MTNR1A: variants seen among roughly 807,000 people sequenced by gnomAD.
MTNR1A encodes the protein melatonin receptor type 1A.
Under a neutral mutation model 5.5 loss-of-function variants are expected in MTNR1A, and 7 were observed. That is an observed-to-expected ratio of 1.28 (90% confidence interval 0.73 to 2.40). MTNR1A has a LOEUF of 2.40. Among genes scored for constraint, MTNR1A ranks in the 30% most tolerant of loss-of-function variants. The probability of loss-of-function intolerance (pLI) is 0.00; values close to 1 mark genes in which losing one functional copy is unlikely to be tolerated. For missense variants in MTNR1A, 441 were observed against 464.4 expected, an observed-to-expected ratio of 0.95 and a Z score of 0.46; for synonymous variants, 196 against 202.7, an observed-to-expected ratio of 0.97 and a Z score of 0.28.
chr4:186,538,357 C>G lies in MTNR1A; in HGVS notation c.185-3800G>C, dbSNP rs192941586. On this transcript the variant is annotated intron_variant, in intron 1 of 1. Transcript: ENST00000307161. ...TAGTGTTCCCCACAAGAGGCAATTG[C>G]GTGAGATTTTGAAGGCGGAAGTGCA... Among the ~76,000 whole-genome samples, 12 of 152,344 alleles carry G rather than the reference C, an allele frequency of 7.9e-5. No homozygotes were observed. The East Asian group carries it at 1.2e-3, about 15-fold the overall frequency.
rs1047346076 is a variant in MTNR1A at position 186,555,377 on chromosome 4, G to A, written c.-12C>T. On this transcript the variant is annotated 5_prime_UTR_variant, in exon 1 of 2. Transcript: ENST00000307161. The surrounding 1 kb of genome is among the most constrained non-coding windows in gnomAD (Gnocchi z 4.1). ...CCGTTGCCCTGCATGGTCCCTGTGC[G>A]CGTCCCGGCCGCGGGGCCATCGCCC... 1.4e-6 allele frequency: 2 copies of A among 1,423,994 alleles called. No homozygotes were observed. Among genetic ancestry groups the A allele is most frequent in the African/African-American group, 1.5e-5 (1 of 66,768 alleles). 88.2% of individuals were successfully genotyped at this position (1,423,994 alleles called of 1,614,324 possible). A position where few individuals can be genotyped will look rare whatever the true frequency, so the allele number is the denominator to read the frequency against.
intron 1 of MTNR1A, among the ~76,000 whole-genome samples, chr4:186,536,442 C>G (rs1476765787): frequency 6.6e-6 from 1 of 152,100 alleles, no homozygotes; most frequent in African/African-American, 2.4e-5. Context: ...GAAAGGGGTG[C>G]GCTGGACAGG....
In MTNR1A at chr4:186,555,405, C is replaced by T; in HGVS notation, c.-40G>A. ...TCCCGGCCGCGGGGCCATCGCCCGC[C>T]TCGTCCGCCCGCCCGACCACTTGTT... On this transcript the variant is annotated 5_prime_UTR_variant, in exon 1 of 2. Transcript: ENST00000307161. The surrounding 1 kb of genome is among the most constrained non-coding windows in gnomAD (Gnocchi z 4.1). The T allele has an allele frequency of 7.4e-7, 1 of 1,350,298 alleles. No individual in the cohort carries two copies. The highest frequency in any genetic ancestry group is 9.5e-7 in the Non-Finnish European group (1 of 1,049,700). The allele number at this position is 1,350,298 out of a possible 1,614,324, so 83.6% of individuals were successfully genotyped here.
intron 1 of MTNR1A, among the ~76,000 whole-genome samples, chr4:186,553,204 A>G (rs1737297256): frequency 6.6e-6 from 1 of 152,236 alleles, no homozygotes; most frequent in African/African-American, 2.4e-5. Context: ...AAAACTTTTA[A>G]TAAGCATACC....
rs555457654 is a variant in MTNR1A at position 186,548,510 on chromosome 4, TACTA to T, written c.184+6668_184+6671del. On this transcript the variant is annotated intron_variant, in intron 1 of 1. Coordinates refer to ENST00000307161, the MANE Select transcript of MTNR1A (RefSeq NM_005958.4). ...ACACATCAGAACTCTACACCAAGAA[TACTA>T]ACTAACAAAAGGAATTTATTCTGCT... Among the ~76,000 whole-genome samples, 4 of 152,162 alleles carry T rather than the reference TACTA, an allele frequency of 2.6e-5. No homozygotes were observed. The South Asian group carries it at 6.2e-4, about 24-fold the overall frequency.
At chr4:186,547,886 A>G (rs972583060) in intron 1 of MTNR1A, among the ~76,000 whole-genome samples, 2 of 152,180 alleles carry the variant, frequency 1.3e-5, no homozygotes, top group African/African-American at 2.4e-5. Context: ...TCCTGCAAAT[A>G]ATCCTGCTCA....
At chr4:186,544,620 T>C (rs1749397311) in intron 1 of MTNR1A, among the ~76,000 whole-genome samples, 1 of 152,220 alleles carries the variant, frequency 6.6e-6, no homozygotes, top group Admixed American at 6.5e-5. Flanking sequence ...AAAATGTGTA[T>C]TTCTGAAAAA....
rs115295523 is a variant in MTNR1A, at chr4:186,549,793, G to A, written c.184+5389C>T. 2.6e-3 allele frequency among the ~76,000 whole-genome samples: 393 copies of A among 152,190 alleles called. 1 individual carries two copies. The highest frequency in any genetic ancestry group is 8.6e-3 in the African/African-American group (359 of 41,512). On this transcript the variant is annotated intron_variant, in intron 1 of 1. Transcript: ENST00000307161. Reference sequence around the variant, plus strand: ...CAGGACCTTGAATTTTGACAAACCTGCAAAAATTTACCAACCATTTACATT... The same window carrying A: ...CAGGACCTTGAATTTTGACAAACCTACAAAAATTTACCAACCATTTACATT...
At chr4:186,546,162 T>C (rs141573197) in intron 1 of MTNR1A, among the ~76,000 whole-genome samples, 1 of 152,246 alleles carries the variant, frequency 6.6e-6, no homozygotes, top group East Asian at 1.9e-4. Context: ...CCATCTTCCT[T>C]TGCAGGATTA....
chr4:186,535,223 G>A (rs1037877365), intron 1 of MTNR1A, among the ~76,000 whole-genome samples: 5 of 152,122 alleles, frequency 3.3e-5, no homozygotes, highest in East Asian at 1.9e-4. Context: ...GCCATGTACC[G>A]TGTCTTACAC....
chr4:186,534,079 C>T lies in MTNR1A; in HGVS notation c.663G>A (p.Val221=). The T allele has an allele frequency of 1.4e-5, 23 of 1,614,162 alleles. No individual in the cohort carries two copies. Among genetic ancestry groups the T allele is most frequent in the Non-Finnish European group, 1.9e-5 (23 of 1,180,040 alleles). The change falls in exon 2 of 2, where the codon GTG becomes GTA. Residue 221 remains valine, a synonymous_variant. Coordinates refer to ENST00000307161, the MANE Select transcript of MTNR1A (RefSeq NM_005958.4). The part of the protein sequence containing the change: ...WILVLQVRQR[V]KPDRKPKLKP... Reference sequence around the variant, plus strand: ...TCAGTTTGGGTTTGCGGTCAGGTTTCACCCTCTGTCTGACCTGGAGAACCA... The same window carrying T: ...TCAGTTTGGGTTTGCGGTCAGGTTTTACCCTCTGTCTGACCTGGAGAACCA...
At chr4:186,550,762 G>T (rs1560898650) in intron 1 of MTNR1A, among the ~76,000 whole-genome samples, 1 of 152,102 alleles carries the variant, frequency 6.6e-6, no homozygotes, top group African/African-American at 2.4e-5. Flanking sequence ...ACTTTCTTAC[G>T]AAATGAATAG....
chr4:186,539,771 AT>A (rs1736965382), intron 1 of MTNR1A, among the ~76,000 whole-genome samples: 1 of 152,184 alleles, frequency 6.6e-6, no homozygotes, highest in Non-Finnish European at 1.5e-5. Context: ...CATTTCAGTT[AT>A]TTACAACTTC....
rs59170135 is a variant in MTNR1A at position 186,539,213 on chromosome 4, T to TAAA, written c.185-4659_185-4657dup. On this transcript the variant is annotated intron_variant, in intron 1 of 1. Coordinates refer to ENST00000307161, the MANE Select transcript of MTNR1A (RefSeq NM_005958.4). The stretch of plus-strand genomic sequence containing the variant: ...GCCTGGCAACAGAGCAAGACTCCAT[T>TAAA]AAAAAAAAAAAAAAAAAAAAAGGCC... 5.6e-3 allele frequency among the ~76,000 whole-genome samples: 650 copies of TAAA among 115,738 alleles called. 12 individuals carry two copies. Among genetic ancestry groups the TAAA allele is most frequent in the African/African-American group, 0.019 (545 of 29,214 alleles). The allele number at this position is 115,738 out of a possible 152,430, so 75.9% of individuals were successfully genotyped here.
At chr4:186,550,166 C>T (rs1737240389) in intron 1 of MTNR1A, among the ~76,000 whole-genome samples, 1 of 152,184 alleles carries the variant, frequency 6.6e-6, no homozygotes. Flanking sequence ...ACATACAGCG[C>T]TCAGGTTCCT....
chr4:186,534,653 T>TG (rs1736803642), intron 1 of MTNR1A, 96 bp from the exon 2 acceptor site: 1 of 1,459,308 alleles, frequency 6.9e-7, no homozygotes, highest in African/African-American at 1.4e-5. Flanking sequence ...GCAGCTCCGA[T>TG]GACCTGACGT....
rs551515874 is a variant in MTNR1A at position 186,537,583 on chromosome 4, G to A, written c.185-3026C>T. Among the ~76,000 whole-genome samples, 16 of 152,338 alleles carry A rather than the reference G, an allele frequency of 1.1e-4. No individual in the cohort carries two copies. In the South Asian group the frequency reaches 3.3e-3, roughly 32 times the overall value. On this transcript the variant is annotated intron_variant, in intron 1 of 1. Coordinates refer to ENST00000307161, the MANE Select transcript of MTNR1A (RefSeq NM_005958.4). The stretch of plus-strand genomic sequence containing the variant: ...GAATCATAGGATGTTAAAATTGAGA[G>A]ATGGGTTAATGATCTCCCTGGATAA...
At chr4:186,547,118 CGT>C (rs1737166616) in intron 1 of MTNR1A, among the ~76,000 whole-genome samples, 1 of 50,036 alleles carries the variant, frequency 2.0e-5, no homozygotes, top group Non-Finnish European at 4.2e-5. Flanking sequence ...TGGGACACAC[CGT>C]CCTCACACCC....
intron 1 of MTNR1A, among the ~76,000 whole-genome samples, chr4:186,547,596 C>T (rs1269066720): frequency 6.6e-6 from 1 of 152,222 alleles, no homozygotes; most frequent in Non-Finnish European, 1.5e-5. Context: ...CACGTGTCCT[C>T]CTGGCTCATT....
Sources: gnomAD v4.1 joint callset for allele counts (sites outside exome capture counted in the v4.1 genomes callset) on GRCh38, gnomAD v4.1.1 for gene constraint, Gnocchi (gnomAD v3.1) non-coding constraint, MANE v1.5 for transcripts, NCBI Gene and HGNC (gene_info 2026-07-23, HGNC 2026-07-21) for gene names.